The following MCTP2 variants were observed in gnomAD, a reference collection of about 807,000 sequenced individuals.
The protein encoded by MCTP2 is multiple C2 and transmembrane domain-containing protein 2.
In MCTP2, 132 loss-of-function variants were observed where a neutral mutation model predicts 111.6. The ratio of observed to expected loss-of-function variants is 1.18; its 90% CI spans 1.03 to 1.37. The LOEUF (loss-of-function observed/expected upper bound fraction) is 1.37, where lower values mean the gene tolerates loss of function less well. Among genes scored for constraint, MCTP2 ranks in the 40% most tolerant of loss-of-function variants. The probability of loss-of-function intolerance (pLI) is 0.00; values close to 1 mark genes in which losing one functional copy is unlikely to be tolerated. For missense variants in MCTP2, 1,183 were observed against 1,067.9 expected (o/e 1.11, Z -1.50); for synonymous variants, 395 against 387.7 (o/e 1.02, Z -0.22).
At chr15:94,408,065 AT>A (rs928750082) in intron 17 of MCTP2, among the ~76,000 whole-genome samples, 6 of 152,156 alleles carry the variant, frequency 3.9e-5, no homozygotes, top group Admixed American at 3.3e-4. Flanking sequence ...TTCGATATTT[AT>A]GTGTTAACTG....
At chr15:94,377,614 A>G (rs141715983) in intron 12 of MCTP2, among the ~76,000 whole-genome samples, 1 of 152,264 alleles carries the variant, frequency 6.6e-6, no homozygotes, top group East Asian at 1.9e-4. Flanking sequence ...TATTTAGCAA[A>G]TATACCTTTT....
intron 19 of MCTP2, among the ~76,000 whole-genome samples, chr15:94,457,788 G>T (rs2084929225): frequency 2.6e-5 from 4 of 152,200 alleles, no homozygotes; most frequent in Admixed American, 2.0e-4. Flanking sequence ...CAGAAAACCT[G>T]TGGAGACAGA....
At chr15:94,241,510 T>C (rs1009888446) in intron 1 of MCTP2, among the ~76,000 whole-genome samples, 1 of 152,180 alleles carries the variant, frequency 6.6e-6, no homozygotes, top group South Asian at 2.1e-4. Flanking sequence ...TCGATATCTT[T>C]TTGCTGGTGG....
chr15:94,478,663 C>G (rs1412516719), intron 22 of MCTP2, among the ~76,000 whole-genome samples: 2 of 152,186 alleles, frequency 1.3e-5, no homozygotes, highest in Non-Finnish European at 2.9e-5. Flanking sequence ...AGTTATTAAG[C>G]TTACTTATGG....
At chr15:94,248,787 T>C (rs2072200447) in intron 1 of MCTP2, among the ~76,000 whole-genome samples, 1 of 152,212 alleles carries the variant, frequency 6.6e-6, no homozygotes, top group Admixed American at 6.5e-5. Flanking sequence ...GGTGCAAGTG[T>C]CTTAATCAAG....
intron 12 of MCTP2, among the ~76,000 whole-genome samples, chr15:94,382,468 C>T (rs1013028801): frequency 6.6e-6 from 1 of 152,228 alleles, no homozygotes; most frequent in Non-Finnish European, 1.5e-5. Context: ...AAAGCTTTGG[C>T]GAGGAATCTA....
At chr15:94,366,331 T>G (rs2079183207) in intron 10 of MCTP2, among the ~76,000 whole-genome samples, 1 of 152,210 alleles carries the variant, frequency 6.6e-6, no homozygotes, top group Non-Finnish European at 1.5e-5. Flanking sequence ...GGGGTCACTT[T>G]TGATAAATAG....
At chr15:94,268,603 G>C (rs1352872583) in intron 1 of MCTP2, among the ~76,000 whole-genome samples, 2 of 151,964 alleles carry the variant, frequency 1.3e-5, no homozygotes, top group Non-Finnish European at 2.9e-5. Flanking sequence ...TAGACTATGT[G>C]ATTAACACCT....
At chr15:94,306,472 G>A (rs374028649) in intron 2 of MCTP2, among the ~76,000 whole-genome samples, 4 of 152,160 alleles carry the variant, frequency 2.6e-5, no homozygotes, top group Admixed American at 6.5e-5. Context: ...GGGACTGTGC[G>A]CAGAACTGTG....
intron 14 of MCTP2, among the ~76,000 whole-genome samples, chr15:94,387,618 C>G (rs2152458886): frequency 6.6e-6 from 1 of 152,276 alleles, no homozygotes; most frequent in African/African-American, 2.4e-5. Context: ...CCACTTGGTG[C>G]CAGGCAGTGC....
Position 94,243,144 on chromosome 15 carries a change from T to TG in MCTP2, c.-66+11480_-66+11481insG, listed in dbSNP as rs1596138000. ...ATATGTATCTACGGGTGTGGATATA[T>TG]TTATATACGTGTGTGTATATACATA... On this transcript the variant is annotated intron_variant, in intron 1 of 22. Coordinates refer to ENST00000357742, the MANE Select transcript of MCTP2 (RefSeq NM_001385001.1). Among the ~76,000 whole-genome samples the TG allele has an allele frequency of 3.8e-5, 4 of 105,060 alleles. 1 individual carries two copies. The East Asian group carries it at 1.0e-3, about 26-fold the overall frequency. The allele number at this position is 105,060 out of a possible 152,430, so 68.9% of individuals were successfully genotyped here.
At chr15:94,236,986 G>T (rs1360676166) in intron 1 of MCTP2, among the ~76,000 whole-genome samples, 1 of 152,112 alleles carries the variant, frequency 6.6e-6, no homozygotes, top group African/African-American at 2.4e-5. Flanking sequence ...CTGTGGATCA[G>T]GTTTGAGCCT....
intron 8 of MCTP2, among the ~76,000 whole-genome samples, chr15:94,355,519 T>C (rs2078570522): frequency 6.6e-6 from 1 of 152,214 alleles, no homozygotes; most frequent in Non-Finnish European, 1.5e-5. Flanking sequence ...GAACCCCTCC[T>C]GGGTCCCAGG....
At chr15:94,254,187 T>A (rs1350199532) in intron 1 of MCTP2, among the ~76,000 whole-genome samples, 1 of 152,230 alleles carries the variant, frequency 6.6e-6, no homozygotes, top group Non-Finnish European at 1.5e-5. Context: ...TCAGCCTTTG[T>A]AATTTTCTTT....
chr15:94,465,593 C>A (rs1044656600), intron 20 of MCTP2, among the ~76,000 whole-genome samples: 1 of 152,106 alleles, frequency 6.6e-6, no homozygotes, highest in Non-Finnish European at 1.5e-5. Flanking sequence ...TTCTTTTCTC[C>A]TTTTCTGTAC....
At chr15:94,282,224 T>C (rs1262970775) in intron 1 of MCTP2, among the ~76,000 whole-genome samples, 1 of 152,208 alleles carries the variant, frequency 6.6e-6, no homozygotes, top group African/African-American at 2.4e-5. Flanking sequence ...CATATTTCTT[T>C]GAGGTTTTGT....
At chr15:94,462,310 G>GT (rs1287440803) in intron 20 of MCTP2, among the ~76,000 whole-genome samples, 1 of 152,198 alleles carries the variant, frequency 6.6e-6, no homozygotes, top group Non-Finnish European at 1.5e-5. Flanking sequence ...GATTCCTTGA[G>GT]TTTTTTCATT....
chr15:94,403,259 A>G (rs1006925858), intron 17 of MCTP2: 1 of 983,392 alleles, frequency 1.0e-6, no homozygotes, highest in African/African-American at 1.7e-5. Context: ...GGTTTTATTA[A>G]TCTGTATCCG....
chr15:94,326,462 A>G (rs1242717281), intron 4 of MCTP2, among the ~76,000 whole-genome samples: 1 of 152,202 alleles, frequency 6.6e-6, no homozygotes, highest in Admixed American at 6.5e-5. Flanking sequence ...ATTCTCATTA[A>G]AAAATTGCCA....
Sources: allele counts gnomAD v4.1 joint callset (sites outside exome capture counted in the v4.1 genomes callset), GRCh38; gene constraint gnomAD v4.1.1; transcripts MANE v1.5; gene names NCBI Gene and HGNC (gene_info 2026-07-23, HGNC 2026-07-21).